Variants in BCL2 observed in about 807,000 individuals in gnomAD.
The protein encoded by BCL2 is apoptosis regulator Bcl-2.
In BCL2, 1 loss-of-function variant was observed where a neutral mutation model predicts 14.2. That is an observed-to-expected ratio of 0.07 (90% confidence interval 0.02 to 0.33). The LOEUF (loss-of-function observed/expected upper bound fraction) is 0.33. BCL2 is among the 10% of genes least tolerant of loss of function. The pLI is 0.99. For synonymous variants in BCL2, 151 were observed against 137.2 expected (o/e 1.10, Z -0.70); for missense variants, 247 against 305.9 (o/e 0.81, Z 1.44).
At chr18:63,236,369 C>G (rs1242625176) in intron 2 of BCL2, among the ~76,000 whole-genome samples, 1 of 151,602 alleles carries the variant, frequency 6.6e-6, no homozygotes, top group Non-Finnish European at 1.5e-5. Context: ...TTAATATGAT[C>G]ATTTGACAGA....
intron 2 of BCL2, among the ~76,000 whole-genome samples, chr18:63,310,524 A>G (rs974850290): frequency 3.3e-5 from 5 of 152,228 alleles, no homozygotes; most frequent in South Asian, 2.1e-4. Context: ...GTCCAGGATT[A>G]CAGTGATTTG....
rs562601595 is a variant in BCL2 at position 63,165,277 on chromosome 18, G to A, written c.586-36518C>T. On this transcript the variant is annotated intron_variant, in intron 2 of 2. Transcript: ENST00000333681. ...ACAGGAGCTCAGGGCTGACAACCAT[G>A]GAGGGAAGTGTCTTGGTTTGGATGA... is the stretch of plus-strand genomic sequence containing the variant. Among the ~76,000 whole-genome samples, 111 of 152,260 alleles carry A rather than the reference G, an allele frequency of 7.3e-4. 2 individuals carry two copies. The highest frequency in any genetic ancestry group is 1.2e-3 in the Non-Finnish European group (84 of 68,024).
chr18:63,307,024 A>G (rs1360818608), intron 2 of BCL2, among the ~76,000 whole-genome samples: 1 of 151,990 alleles, frequency 6.6e-6, no homozygotes, highest in Non-Finnish European at 1.5e-5. Context: ...CTGGCTCAAT[A>G]TTTTTTTAAA....
chr18:63,268,090 T>C (rs1026905421), intron 2 of BCL2, among the ~76,000 whole-genome samples: 1 of 152,240 alleles, frequency 6.6e-6, no homozygotes, highest in Admixed American at 6.5e-5. Context: ...TAGAAAGCTG[T>C]CACTGTTGTG....
intron 2 of BCL2, among the ~76,000 whole-genome samples, chr18:63,223,336 C>T (rs533356030): frequency 6.6e-6 from 1 of 151,170 alleles, no homozygotes; most frequent in South Asian, 2.1e-4. Flanking sequence ...GGAGGCGGAG[C>T]TTGCAGTGAG....
At chr18:63,293,100 A>G (rs900502667) in intron 2 of BCL2, among the ~76,000 whole-genome samples, 2 of 152,096 alleles carry the variant, frequency 1.3e-5, no homozygotes, top group Non-Finnish European at 2.9e-5. Flanking sequence ...GGCTGGACTC[A>G]GCCCCGGGAC....
At chr18:63,317,841 G>C (rs1913544013) in intron 2 of BCL2, 1 of 1,399,778 alleles carries the variant, frequency 7.1e-7, no homozygotes, top group African/African-American at 1.5e-5. Context: ...ACAAACGCTA[G>C]ATCTTTGGAT....
intron 2 of BCL2, among the ~76,000 whole-genome samples, chr18:63,266,350 G>C (rs920806715): frequency 2.6e-5 from 4 of 151,214 alleles, no homozygotes; most frequent in African/African-American, 7.3e-5. Flanking sequence ...AAATATAAAA[G>C]AAAATCACAT....
intron 2 of BCL2, among the ~76,000 whole-genome samples, chr18:63,282,535 T>C (rs906664528): frequency 4.6e-5 from 7 of 152,222 alleles, no homozygotes; most frequent in African/African-American, 1.7e-4. Context: ...GGCAGTTTGA[T>C]TTGTAAAGCA....
chr18:63,153,468 G>A (rs1241683631), intron 2 of BCL2, among the ~76,000 whole-genome samples: 1 of 152,178 alleles, frequency 6.6e-6, no homozygotes, highest in Non-Finnish European at 1.5e-5. Context: ...GAAAGGAGTT[G>A]TGTGAAACTT....
intron 2 of BCL2, among the ~76,000 whole-genome samples, chr18:63,233,333 T>C (rs1910737214): frequency 6.6e-6 from 1 of 152,244 alleles, no homozygotes; most frequent in Non-Finnish European, 1.5e-5. Flanking sequence ...CTTCAAGTGA[T>C]AAAGCAAGTT....
Position 63,124,940 on chromosome 18 carries a change from A to G in BCL2, c.*3685T>C, listed in dbSNP as rs1334109294. 4.5e-6 allele frequency: 1 copy of G among 222,574 alleles called. No individual in the cohort carries two copies. Among genetic ancestry groups the G allele is most frequent in the African/African-American group, 2.2e-5 (1 of 44,740 alleles). The allele number at this position is 222,574 out of a possible 1,614,324, so 13.8% of individuals were successfully genotyped here. A position where few individuals can be genotyped will look rare whatever the true frequency, so the allele number is the denominator to read the frequency against. On this transcript the variant is annotated 3_prime_UTR_variant, in exon 3 of 3. Coordinates refer to ENST00000333681, the MANE Select transcript of BCL2 (RefSeq NM_000633.3). ...CCACTGCCTTAAAAGTACAGTTGGAATTAATTAGAGTTTAAGTTCACATTT... is the reference window on the plus strand; with the variant it reads ...CCACTGCCTTAAAAGTACAGTTGGAGTTAATTAGAGTTTAAGTTCACATTT...
Position 63,156,146 on chromosome 18 carries a change from T to C in BCL2, c.586-27387A>G, listed in dbSNP as rs965562136. Among the ~76,000 whole-genome samples, 4 of 73,546 alleles carry C rather than the reference T, an allele frequency of 5.4e-5. No individual in the cohort carries two copies. The Admixed American group carries it at 6.4e-4, about 12-fold the overall frequency. 48.2% of individuals were successfully genotyped at this position (73,546 alleles called of 152,430 possible). Reference sequence around the variant, plus strand: ...CAGACGGGCTGGCAGGGGAGGGGGGTGTTCAAAGAGGAGAAGAAAGCAAGA... The same window carrying C: ...CAGACGGGCTGGCAGGGGAGGGGGGCGTTCAAAGAGGAGAAGAAAGCAAGA... On this transcript the variant is annotated intron_variant, in intron 2 of 2. Transcript: ENST00000333681.
rs147555690 is a variant in BCL2 at position 63,265,538 on chromosome 18, C to T, written c.585+52544G>A. 2.2e-4 allele frequency among the ~76,000 whole-genome samples: 33 copies of T among 152,182 alleles called. No homozygotes were observed. The East Asian group carries it at 6.0e-3, about 28-fold the overall frequency. On this transcript the variant is annotated intron_variant, in intron 2 of 2. Transcript: ENST00000333681. ...AAACAACCTCACACACCCATGCATG[C>T]ACATAGAAGAGGATTTTATAATTTA...
intron 2 of BCL2, among the ~76,000 whole-genome samples, chr18:63,261,318 A>C (rs1332168235): frequency 6.6e-6 from 1 of 152,180 alleles, no homozygotes; most frequent in African/African-American, 2.4e-5. Context: ...CCTCTCCTGG[A>C]GGAAGAAACC....
At chr18:63,138,041 T>C (rs1914255191) in intron 2 of BCL2, among the ~76,000 whole-genome samples, 1 of 151,978 alleles carries the variant, frequency 6.6e-6, no homozygotes, top group Non-Finnish European at 1.5e-5. Context: ...ATCTATGACA[T>C]GCAACCGTCA....
intron 2 of BCL2, chr18:63,315,165 C>A (rs1913457382): frequency 6.6e-6 from 1 of 152,170 alleles, no homozygotes; most frequent in African/African-American, 2.4e-5. Flanking sequence ...GGGAGCTGAG[C>A]TTTAGCATCT....
At chr18:63,283,212 A>G (rs1188672691) in intron 2 of BCL2, among the ~76,000 whole-genome samples, 2 of 152,252 alleles carry the variant, frequency 1.3e-5, no homozygotes, top group Non-Finnish European at 2.9e-5. Context: ...AAGTATGGCA[A>G]CAAAAATACC....
chr18:63,159,161 A>G (rs911786001), intron 2 of BCL2, among the ~76,000 whole-genome samples: 4 of 152,238 alleles, frequency 2.6e-5, no homozygotes, highest in Non-Finnish European at 4.4e-5. Flanking sequence ...TCTAGTTTCA[A>G]GATGAGATGA....
Sources: allele counts gnomAD v4.1 joint callset (sites outside exome capture counted in the v4.1 genomes callset), GRCh38; gene constraint gnomAD v4.1.1; transcripts MANE v1.5; gene names NCBI Gene and HGNC (gene_info 2026-07-23, HGNC 2026-07-21).